The following PVT1 variants were observed in gnomAD, a reference collection of about 807,000 sequenced individuals.
PVT1 encodes the protein CXCR4/PVT1 fusion.
intron 3 of PVT1, among the ~76,000 whole-genome samples, chr8:127,897,612 A>T (rs906286839): frequency 4.0e-5 from 6 of 149,516 alleles, no homozygotes; most frequent in African/African-American, 1.5e-4. Context: ...GGAAGGAAGA[A>T]AGGAAAGAAA....
chr8:128,022,685 T>C (rs1213152542), intron 4 of PVT1, among the ~76,000 whole-genome samples: 1 of 152,192 alleles, frequency 6.6e-6, no homozygotes, highest in Non-Finnish European at 1.5e-5. Flanking sequence ...CTGACTCAGA[T>C]ACTAAGCTCA....
At chr8:127,991,212 G>A (rs55807015) in intron 4 of PVT1, among the ~76,000 whole-genome samples, 46,318 of 145,946 alleles carry the variant, frequency 0.32, 8,386 homozygotes, top group Admixed American at 0.52. Context: ...GCGCAATCTC[G>A]GCTCACTGTA....
intron 2 of PVT1, among the ~76,000 whole-genome samples, chr8:127,812,964 G>A (rs1054517952): frequency 6.6e-6 from 1 of 152,018 alleles, no homozygotes; most frequent in Non-Finnish European, 1.5e-5. Context: ...GGCACAGAGT[G>A]AGAGAAAGAG....
intron 3 of PVT1, among the ~76,000 whole-genome samples, chr8:127,908,281 A>G (rs1815847183): frequency 6.7e-6 from 1 of 150,346 alleles, no homozygotes. Context: ...TTATCTGTGC[A>G]TGCATGTGCA....
At chr8:127,855,906 C>T (rs945248869) in intron 2 of PVT1, among the ~76,000 whole-genome samples, 3 of 152,260 alleles carry the variant, frequency 2.0e-5, no homozygotes, top group Non-Finnish European at 4.4e-5. Flanking sequence ...AGCCCACAAG[C>T]AGCGTCCCCT....
intron 4 of PVT1, among the ~76,000 whole-genome samples, chr8:128,012,404 T>C (rs1365288670): frequency 2.0e-5 from 3 of 152,204 alleles, no homozygotes; most frequent in Admixed American, 1.3e-4. Flanking sequence ...CCTTTAATGC[T>C]CACAAATGCC....
chr8:128,021,638 G>C (rs1052924450), intron 4 of PVT1, among the ~76,000 whole-genome samples: 3 of 152,180 alleles, frequency 2.0e-5, no homozygotes, highest in Non-Finnish European at 4.4e-5. Flanking sequence ...CCCACAAACA[G>C]AAATGCTGTT....
intron 2 of PVT1, among the ~76,000 whole-genome samples, chr8:127,814,846 C>T (rs1814641416): frequency 6.6e-6 from 1 of 152,230 alleles, no homozygotes; most frequent in Non-Finnish European, 1.5e-5. Flanking sequence ...CTCTCCCCCT[C>T]CCCTCATCCC....
At chr8:128,044,842 C>T (rs941562713) in intron 4 of PVT1, among the ~76,000 whole-genome samples, 3 of 152,238 alleles carry the variant, frequency 2.0e-5, no homozygotes, top group African/African-American at 7.2e-5. Context: ...GTTTGCCCTA[C>T]TTATCTTTGT....
chr8:127,903,861 G>A (rs140462357), intron 3 of PVT1, among the ~76,000 whole-genome samples: 79 of 152,174 alleles, frequency 5.2e-4, no homozygotes, highest in African/African-American at 1.8e-3. Context: ...GGTAATGTGA[G>A]GTCTCTAGCT....
chr8:127,838,773 G>C (rs553788951), intron 2 of PVT1, among the ~76,000 whole-genome samples: 35 of 152,224 alleles, frequency 2.3e-4, no homozygotes, highest in African/African-American at 8.4e-4. Context: ...CACTATTCTA[G>C]GTGCTTTTCA....
At chr8:127,811,364 A>G (rs1025222120) in intron 2 of PVT1, among the ~76,000 whole-genome samples, 3 of 152,340 alleles carry the variant, frequency 2.0e-5, no homozygotes, top group African/African-American at 7.2e-5. Flanking sequence ...CCCCGGGGCC[A>G]GCAGTTTGCA....
chr8:127,837,299 GC>G (rs1029942584), intron 2 of PVT1, among the ~76,000 whole-genome samples: 1 of 152,030 alleles, frequency 6.6e-6, no homozygotes. Flanking sequence ...CAGGCTTCAT[GC>G]AACACCTTTC....
intron 4 of PVT1, among the ~76,000 whole-genome samples, chr8:128,030,106 C>T (rs182531268): frequency 1.2e-4 from 19 of 152,062 alleles, no homozygotes; most frequent in African/African-American, 4.6e-4. Context: ...GAATGAGATG[C>T]CATCTTAAGA....
intron 3 of PVT1, among the ~76,000 whole-genome samples, chr8:127,893,018 G>C (rs1332918578): frequency 6.6e-6 from 1 of 152,096 alleles, no homozygotes; most frequent in African/African-American, 2.4e-5. Flanking sequence ...ACCCAATTGT[G>C]GTGGTCTGGG....
At position 127,837,386 on chromosome 8, in the gene PVT1, T is replaced by TTTG. The variant is rs201425373; in HGVS notation, n.372+41324_372+41326dup. Among the ~76,000 whole-genome samples the TTTG allele has an allele frequency of 3.0e-3, 326 of 108,900 alleles. 2 individuals carry two copies. Among genetic ancestry groups the TTTG allele is most frequent in the African/African-American group, 0.012 (319 of 27,450 alleles). 71.4% of individuals were successfully genotyped at this position (108,900 alleles called of 152,430 possible). ...CTGGCATTGTATCACTGAAGCGTTTTTTGTTGTTGTTTTTTTTTTTTTGAA... is the reference window on the plus strand; with the variant it reads ...CTGGCATTGTATCACTGAAGCGTTTTTTGTTGTTGTTGTTTTTTTTTTTTTGAA... On this transcript the variant is annotated intron_variant and non_coding_transcript_variant, in intron 2 of 10. Coordinates refer to ENST00000651587, the Ensembl canonical transcript of PVT1.
rs188414771 is a variant in PVT1, at chr8:128,088,504, C to T, written n.1115-8014C>T. ...AGCCTACTTTGTGCCAAGCACTGAG[C>T]GAGGTTCCCCATTTGCAGGTATTCG... On this transcript the variant is annotated intron_variant and non_coding_transcript_variant, in intron 5 of 10. Transcript: ENST00000651587. Among the ~76,000 whole-genome samples the T allele has an allele frequency of 2.5e-4, 38 of 152,276 alleles. 1 individual carries two copies. The East Asian group carries it at 3.1e-3, about 12-fold the overall frequency.
At position 128,005,140 on chromosome 8, in the gene PVT1, CA is replaced by C. The variant is rs796167481; in HGVS notation, n.912+15862del. ...GGGCAACAAGAACAAAACTCCATCT[CA>C]AAAAAAAAAAAAGTTACAACACAAA... On this transcript the variant is annotated intron_variant and non_coding_transcript_variant, in intron 4 of 10. Coordinates refer to ENST00000651587, the Ensembl canonical transcript of PVT1. Among the ~76,000 whole-genome samples the C allele has an allele frequency of 2.2e-3, 299 of 137,118 alleles. 1 individual carries two copies. The highest frequency in any genetic ancestry group is 8.3e-3 in the Admixed American group (114 of 13,774). The allele number at this position is 137,118 out of a possible 152,430, so 90.0% of individuals were successfully genotyped here.
intron 3 of PVT1, among the ~76,000 whole-genome samples, chr8:127,908,864 A>G (rs1411032149): frequency 6.6e-6 from 1 of 152,054 alleles, no homozygotes; most frequent in Non-Finnish European, 1.5e-5. Context: ...ACCAGTCCTA[A>G]GAGGTACGGT....
Sources: allele counts gnomAD v4.1 joint callset (sites outside exome capture counted in the v4.1 genomes callset), GRCh38; gene constraint gnomAD v4.1.1; transcripts MANE v1.5; gene names NCBI Gene and HGNC (gene_info 2026-07-23, HGNC 2026-07-21).